SLC30A10: variants seen among roughly 807,000 people sequenced by gnomAD.
SLC30A10 encodes the protein calcium/manganese antiporter SLC30A10.
SLC30A10 carries 8 observed loss-of-function variants against 21.7 expected under a neutral mutation model. The observed-to-expected ratio is 0.37, with a 90% confidence interval of 0.22 to 0.67. The LOEUF (loss-of-function observed/expected upper bound fraction) is 0.67, where lower values mean the gene tolerates loss of function less well. SLC30A10 is among the 30% of genes least tolerant of loss of function. The probability of loss-of-function intolerance (pLI) is 0.58; values close to 1 mark genes in which losing one functional copy is unlikely to be tolerated. For missense variants in SLC30A10, 521 were observed against 642.5 expected, an observed-to-expected ratio of 0.81 and a Z score of 2.04; for synonymous variants, 272 against 279.4, an observed-to-expected ratio of 0.97 and a Z score of 0.26.
At chr1:219,941,863 C>T (rs571955712) in intron 1 of SLC30A10, among the ~76,000 whole-genome samples, 2 of 152,316 alleles carry the variant, frequency 1.3e-5, no homozygotes, top group South Asian at 2.1e-4. Flanking sequence ...GGAAAGGATA[C>T]CATGTGTTTA....
At chr1:219,920,270 G>A (rs1214742323) in intron 2 of SLC30A10, among the ~76,000 whole-genome samples, 3 of 152,086 alleles carry the variant, frequency 2.0e-5, no homozygotes, top group African/African-American at 7.2e-5. Flanking sequence ...TCCCTGTCCT[G>A]AACCACTGAA....
intron 1 of SLC30A10, among the ~76,000 whole-genome samples, chr1:219,949,524 G>T (rs553811954): frequency 6.6e-6 from 1 of 151,924 alleles, no homozygotes; most frequent in East Asian, 1.9e-4. Context: ...ACCAAACACC[G>T]CATATTCTCA....
chr1:219,933,071 AAAG>A (rs1275455819), upstream of SLC30A10, among the ~76,000 whole-genome samples: 14 of 152,014 alleles, frequency 9.2e-5, no homozygotes, highest in East Asian at 2.5e-3. Flanking sequence ...AAAAAAAAAA[AAAG>A]AAGAAAGAAA....
At chr1:219,923,560 T>C (rs1211532282) in intron 2 of SLC30A10, among the ~76,000 whole-genome samples, 2 of 152,238 alleles carry the variant, frequency 1.3e-5, no homozygotes, top group Admixed American at 1.3e-4. Flanking sequence ...GGATTTCTTT[T>C]CAAGGGATGT....
intron 3 of SLC30A10, among the ~76,000 whole-genome samples, 165 bp from the exon 4 acceptor site, chr1:219,916,113 A>G (rs752065235): frequency 1.3e-5 from 2 of 152,236 alleles, no homozygotes; most frequent in Non-Finnish European, 2.9e-5. Flanking sequence ...ATTTGCCCTT[A>G]ACCTTCTTTC....
At chr1:219,952,933 A>T (rs991799600) in intron 1 of SLC30A10, among the ~76,000 whole-genome samples, 4 of 152,174 alleles carry the variant, frequency 2.6e-5, no homozygotes, top group African/African-American at 9.7e-5. Context: ...TAACTAATCC[A>T]GACCCCTTCA....
chr1:219,933,619 G>T (rs969864383), upstream of SLC30A10, among the ~76,000 whole-genome samples: 10 of 152,130 alleles, frequency 6.6e-5, no homozygotes, highest in African/African-American at 2.2e-4. Context: ...TATATAAATT[G>T]CTTGGGATAG....
intron 1 of SLC30A10, among the ~76,000 whole-genome samples, chr1:219,934,010 C>T (rs752457609): frequency 3.9e-5 from 6 of 152,058 alleles, no homozygotes; most frequent in Non-Finnish European, 8.8e-5. Context: ...AAATAAAGGC[C>T]GGGTGTGGTG....
At chr1:219,932,895 C>G (rs1429930589), upstream of SLC30A10, among the ~76,000 whole-genome samples, 1 of 150,534 alleles carries the variant, frequency 6.6e-6, no homozygotes, top group East Asian at 1.9e-4. Context: ...AACCCTGTCT[C>G]TACTAAAAAT....
chr1:219,940,506 G>A (rs574426222), intron 1 of SLC30A10, among the ~76,000 whole-genome samples: 1 of 152,158 alleles, frequency 6.6e-6, no homozygotes. Flanking sequence ...AGTACATTTG[G>A]GATGGTTTGT....
At chr1:219,923,904 A>T (rs1659754852) in intron 2 of SLC30A10, among the ~76,000 whole-genome samples, 1 of 152,292 alleles carries the variant, frequency 6.6e-6, no homozygotes, top group Non-Finnish European at 1.5e-5. Context: ...TACTAAAAAT[A>T]CAAAAAAAAT....
At chr1:219,940,934 C>T (rs1660112430) in intron 1 of SLC30A10, among the ~76,000 whole-genome samples, 1 of 152,156 alleles carries the variant, frequency 6.6e-6, no homozygotes, top group African/African-American at 2.4e-5. Context: ...ACCCTGACTT[C>T]ATTTCTCTCA....
chr1:219,927,895 C>T lies in SLC30A10; in HGVS notation c.546G>A (p.Pro182=), dbSNP rs1381109359. 3 of 1,539,658 alleles carry T rather than the reference C, an allele frequency of 1.9e-6. No individual in the cohort carries two copies. The East Asian group carries it at 7.7e-5, about 39-fold the overall frequency. The change falls in exon 1 of 4, where the codon CCG becomes CCA. Residue 182 remains proline, a synonymous_variant. Coordinates refer to ENST00000366926, the MANE Select transcript of SLC30A10 (RefSeq NM_018713.3). ...GAEDPRRAAD[P]TAPGSDSAVT... ...CGGCCGAGTCCGAGCCTGGGGCTGTCGGGTCCGCCGCGCGCCGCGGGTCCT... is the reference window on the plus strand; with the variant it reads ...CGGCCGAGTCCGAGCCTGGGGCTGTTGGGTCCGCCGCGCGCCGCGGGTCCT...
chr1:219,915,220 G>T lies in SLC30A10; in HGVS notation c.*229C>A. ...GCTTTAGAAAATGCATGTTCAAGCT[G>T]AAACAGTCAAAGAGCAGCATGAGAC... is the stretch of plus-strand genomic sequence containing the variant. On this transcript the variant is annotated 3_prime_UTR_variant, in exon 4 of 4. Coordinates refer to ENST00000366926, the MANE Select transcript of SLC30A10 (RefSeq NM_018713.3). 1.8e-6 allele frequency: 1 copy of T among 567,030 alleles called. No individual in the cohort carries two copies. The highest frequency in any genetic ancestry group is 3.2e-5 in the Admixed American group (1 of 31,470). 35.1% of individuals were successfully genotyped at this position (567,030 alleles called of 1,614,324 possible). A position where few individuals can be genotyped will look rare whatever the true frequency, so the allele number is the denominator to read the frequency against.
At chr1:219,953,268 C>A (rs1193042127) in intron 1 of SLC30A10, among the ~76,000 whole-genome samples, 2 of 152,246 alleles carry the variant, frequency 1.3e-5, no homozygotes, top group East Asian at 1.9e-4. Context: ...CTCAGGTAAC[C>A]TATGCCTAGA....
At position 219,912,237 on chromosome 1, in the gene SLC30A10, A is replaced by G. The variant is rs955718046; in HGVS notation, c.*3212T>C. Among the ~76,000 whole-genome samples the G allele has an allele frequency of 5.9e-5, 9 of 151,458 alleles. No homozygotes were observed. Among genetic ancestry groups the G allele is most frequent in the Non-Finnish European group, 1.3e-4 (9 of 67,876 alleles). ...AATATTCTTAATTCTTCCTCAAATAATGTCTCCCTACTTTATTGACATTTT... is the reference window on the plus strand; with the variant it reads ...AATATTCTTAATTCTTCCTCAAATAGTGTCTCCCTACTTTATTGACATTTT... On this transcript the variant is annotated 3_prime_UTR_variant, in exon 4 of 4. Transcript: ENST00000366926.
At chr1:219,924,531 G>T (rs1465888323) in intron 2 of SLC30A10, among the ~76,000 whole-genome samples, 1 of 152,120 alleles carries the variant, frequency 6.6e-6, no homozygotes, top group Non-Finnish European at 1.5e-5. Flanking sequence ...AGCACCAAAG[G>T]GGAGGCCAGC....
intron 1 of SLC30A10, among the ~76,000 whole-genome samples, chr1:219,934,343 A>G (rs1177383183): frequency 1.3e-5 from 2 of 151,974 alleles, no homozygotes; most frequent in Non-Finnish European, 1.5e-5. Flanking sequence ...GGTGCCTGTA[A>G]TCCCAGCTAC....
intron 1 of SLC30A10, among the ~76,000 whole-genome samples, chr1:219,945,781 C>G (rs1245626588): frequency 6.6e-6 from 1 of 152,160 alleles, no homozygotes; most frequent in Non-Finnish European, 1.5e-5. Context: ...AATATGATTA[C>G]AAAACTGAAG....
Sources: allele counts gnomAD v4.1 joint callset (sites outside exome capture counted in the v4.1 genomes callset), GRCh38; gene constraint gnomAD v4.1.1; transcripts MANE v1.5; gene names NCBI Gene and HGNC (gene_info 2026-07-23, HGNC 2026-07-21).